The following GALNT2 variants were observed in gnomAD, a reference collection of about 807,000 sequenced individuals.
The protein encoded by GALNT2 is polypeptide N-acetylgalactosaminyltransferase 2, also known as UDP-GalNAc:polypeptide N-acetylgalactosaminyltransferase 2.
In GALNT2, 31 loss-of-function variants were observed where a neutral mutation model predicts 81.4. The observed-to-expected ratio is 0.38, with a 90% CI of 0.29 to 0.51. GALNT2 has a LOEUF of 0.51. GALNT2 is among the 20% of genes least tolerant of loss of function. GALNT2 has a pLI of 0.87. For synonymous variants in GALNT2, 303 were observed against 287.4 expected (o/e 1.05, Z -0.55); for missense variants, 629 against 765.7 (o/e 0.82, Z 2.11).
At chr1:230,071,269 T>C (rs1407889769) in intron 1 of GALNT2, among the ~76,000 whole-genome samples, 1 of 152,170 alleles carries the variant, frequency 6.6e-6, no homozygotes, top group East Asian at 1.9e-4. Context: ...GTTTGGGCTA[T>C]GAATCTTAAA....
intron 1 of GALNT2, among the ~76,000 whole-genome samples, chr1:230,154,286 T>G (rs189677378): frequency 4.1e-4 from 62 of 152,372 alleles, no homozygotes; most frequent in Middle Eastern, 3.4e-3. Flanking sequence ...GGCCACATTC[T>G]TACTAGAAAA....
At chr1:230,270,385 T>C (rs1436653806) in intron 14 of GALNT2, among the ~76,000 whole-genome samples, 1 of 152,218 alleles carries the variant, frequency 6.6e-6, no homozygotes, top group Non-Finnish European at 1.5e-5. Context: ...CTACTATCAG[T>C]ACTTTCCAAT....
chr1:230,153,490 GA>G (rs1422591440), intron 1 of GALNT2, among the ~76,000 whole-genome samples: 1 of 152,152 alleles, frequency 6.6e-6, no homozygotes, highest in East Asian at 1.9e-4. Flanking sequence ...TAGAGAAAAA[GA>G]AAAAACACCC....
chr1:230,278,205 A>G lies in GALNT2; in HGVS notation c.1561-1098A>G, dbSNP rs1666348692. On this transcript the variant is annotated intron_variant, in intron 15 of 15. Coordinates refer to ENST00000366672, the MANE Select transcript of GALNT2 (RefSeq NM_004481.5). ...ATGACCATAGCTCACTGCAGCCTCG[A>G]ACTCCTGTGCCCAAGCGATCCTCCC... Among the ~76,000 whole-genome samples the G allele has an allele frequency of 2.0e-5, 3 of 151,000 alleles. No homozygotes were observed. The South Asian group carries it at 6.3e-4, about 32-fold the overall frequency.
intron 8 of GALNT2, among the ~76,000 whole-genome samples, chr1:230,247,038 AAG>A (rs1279366274): frequency 6.6e-6 from 1 of 151,750 alleles, no homozygotes; most frequent in African/African-American, 2.4e-5. Flanking sequence ...CCAGGAGTTC[AAG>A]ACCAGCCTGG....
chr1:230,149,606 G>A (rs1303949726), intron 1 of GALNT2, among the ~76,000 whole-genome samples: 2 of 152,158 alleles, frequency 1.3e-5, no homozygotes, highest in East Asian at 1.9e-4. Flanking sequence ...TTTAAAAACC[G>A]CCTGATTGGT....
intron 1 of GALNT2, among the ~76,000 whole-genome samples, chr1:230,121,291 C>T (rs1661007993): frequency 6.6e-6 from 1 of 152,234 alleles, no homozygotes. Context: ...CTGGACCACA[C>T]CTGAGGAGGC....
At chr1:230,093,060 G>A (rs570109913) in intron 1 of GALNT2, among the ~76,000 whole-genome samples, 98 of 152,274 alleles carry the variant, frequency 6.4e-4, no homozygotes, top group African/African-American at 1.9e-3. Context: ...AGTGCTGGCC[G>A]ATTGTGCTCT....
chr1:230,277,972 C>T (rs1480464282), intron 15 of GALNT2, among the ~76,000 whole-genome samples: 1 of 151,320 alleles, frequency 6.6e-6, no homozygotes, highest in Non-Finnish European at 1.5e-5. Flanking sequence ...AAGGAGCTTT[C>T]GTGCACACAG....
intron 1 of GALNT2, among the ~76,000 whole-genome samples, chr1:230,104,505 G>A (rs1300671344): frequency 6.6e-6 from 1 of 152,160 alleles, no homozygotes; most frequent in African/African-American, 2.4e-5. Flanking sequence ...GATGCACCGA[G>A]TCATAAAATA....
chr1:230,107,018 A>T lies in GALNT2; in HGVS notation c.126+39612A>T, dbSNP rs56126541. On this transcript the variant is annotated intron_variant, in intron 1 of 15. Transcript: ENST00000366672. The stretch of plus-strand genomic sequence containing the variant: ...TGACTCCCGAGTCCCGGGGCTGGAC[A>T]GAAGGAAGCTGGCTCCGAGAGCTAG... Among the ~76,000 whole-genome samples, 345 of 152,356 alleles carry T rather than the reference A, an allele frequency of 2.3e-3. 2 individuals are homozygous for T. Among genetic ancestry groups the T allele is most frequent in the African/African-American group, 8.0e-3 (334 of 41,586 alleles).
chr1:230,239,841 C>A (rs1423471821), intron 6 of GALNT2, among the ~76,000 whole-genome samples: 2 of 152,208 alleles, frequency 1.3e-5, no homozygotes, highest in African/African-American at 4.8e-5. Flanking sequence ...TTCATGTATG[C>A]ACAGTTGCCC....
chr1:230,094,478 A>G (rs529999011), intron 1 of GALNT2, among the ~76,000 whole-genome samples: 57 of 152,294 alleles, frequency 3.7e-4, no homozygotes, highest in Admixed American at 3.6e-3. Context: ...TCTACTAAAA[A>G]TACAAAAAAA....
At chr1:230,184,256 T>A (rs1663249647) in intron 2 of GALNT2, among the ~76,000 whole-genome samples, 1 of 151,414 alleles carries the variant, frequency 6.6e-6, no homozygotes. Context: ...TGGTGCTATC[T>A]CAGCTCACTG....
chr1:230,189,588 C>T (rs1384065344), intron 2 of GALNT2, among the ~76,000 whole-genome samples: 3 of 152,166 alleles, frequency 2.0e-5, no homozygotes, highest in Non-Finnish European at 2.9e-5. Context: ...TTCCCCGACC[C>T]TTTGTTTTTC....
In GALNT2 at chr1:230,252,591, G is replaced by A. The variant is rs539987815; in HGVS notation, c.1009+2031G>A. Among the ~76,000 whole-genome samples, 39 of 152,260 alleles carry A rather than the reference G, an allele frequency of 2.6e-4. No individual in the cohort carries two copies. The South Asian group carries it at 8.1e-3, about 32-fold the overall frequency. Reference sequence around the variant, plus strand: ...CAGAACCAAGATGTAAACACTAACTGCCTAATTAAAAAGCCATTGAGTTTT... The same window carrying A: ...CAGAACCAAGATGTAAACACTAACTACCTAATTAAAAAGCCATTGAGTTTT... On this transcript the variant is annotated intron_variant, in intron 10 of 15. Coordinates refer to ENST00000366672, the MANE Select transcript of GALNT2 (RefSeq NM_004481.5).
intron 1 of GALNT2, among the ~76,000 whole-genome samples, chr1:230,125,103 T>C (rs1485813817): frequency 6.6e-6 from 1 of 152,260 alleles, no homozygotes; most frequent in Admixed American, 6.5e-5. Context: ...TTGTTCTCTA[T>C]TCTTGTCAAA....
chr1:230,254,246 C>T (rs1374255153), intron 10 of GALNT2, among the ~76,000 whole-genome samples: 1 of 152,160 alleles, frequency 6.6e-6, no homozygotes, highest in Non-Finnish European at 1.5e-5. Flanking sequence ...ACCTGTGTGT[C>T]ACAAAAGGCA....
At chr1:230,151,036 C>T (rs182665634) in intron 1 of GALNT2, among the ~76,000 whole-genome samples, 1 of 152,174 alleles carries the variant, frequency 6.6e-6, no homozygotes, top group African/African-American at 2.4e-5. Context: ...TGAACTCTTT[C>T]CTATTTAAGG....
Sources: gnomAD v4.1 joint callset for allele counts (sites outside exome capture counted in the v4.1 genomes callset) on GRCh38, gnomAD v4.1.1 for gene constraint, MANE v1.5 for transcripts, NCBI Gene and HGNC (gene_info 2026-07-23, HGNC 2026-07-21) for gene names.